The following ADCY4 variants were observed in gnomAD, a reference collection of about 807,000 sequenced individuals.
ADCY4 encodes adenylate cyclase 4.
Under a neutral mutation model 125.5 loss-of-function variants are expected in ADCY4, and 111 were observed. That is an observed-to-expected ratio of 0.88 (90% CI 0.76 to 1.04). The LOEUF is 1.04. ADCY4 is among the 50% of genes least tolerant of loss of function. The pLI is 0.00. For missense variants in ADCY4, 1,256 were observed against 1,382.9 expected (o/e 0.91, Z 1.46); for synonymous variants, 576 against 586.9 (o/e 0.98, Z 0.27).
Position 24,319,452 on chromosome 14 carries a change from A to G in ADCY4, c.2734-16T>C. 1 of 1,611,892 alleles carries G rather than the reference A, an allele frequency of 6.2e-7. No individual in the cohort carries two copies. The highest frequency in any genetic ancestry group is 1.1e-5 in the South Asian group (1 of 91,050). On this transcript the variant is annotated splice_polypyrimidine_tract_variant and intron_variant, in intron 21 of 24. Coordinates refer to ENST00000418030, the MANE Select transcript of ADCY4 (RefSeq NM_001198568.2). This position sits in a 1 kb window ranked among gnomAD's most constrained non-coding sequence, Gnocchi z 4.5. ...TGGAGAGCAGCTGTATATAGAGAAG[A>G]GTCCTGTCCCCAGTCTCTCTTACTC...
In ADCY4 at chr14:24,321,497, TA is replaced by T. The variant is rs759723199; in HGVS notation, c.2586+568del. 9.7e-3 allele frequency among the ~76,000 whole-genome samples: 1,363 copies of T among 140,982 alleles called. 8 individuals are homozygous for T. The highest frequency in any genetic ancestry group is 0.021 in the African/African-American group (833 of 38,812). 92.5% of individuals were successfully genotyped at this position (140,982 alleles called of 152,430 possible). On this transcript the variant is annotated intron_variant, in intron 20 of 24. Transcript: ENST00000418030. ...GAGCGATGAGAGTGAAACTGTGTCT[TA>T]AAAAAAAAAAAAAGTAATTACTTTT...
At chr14:24,325,569 C>A in intron 13 of ADCY4, 95 bp from the exon 14 acceptor site, 1 of 1,139,728 alleles carries the variant, frequency 8.8e-7, no homozygotes, top group East Asian at 2.5e-5. Flanking sequence ...TCCTCAGCCT[C>A]ACCGCCCAGG....
In ADCY4 at chr14:24,329,215, T is replaced by G; in HGVS notation, c.1370A>C (p.Lys457Thr). 4 of 1,613,762 alleles carry G rather than the reference T, an allele frequency of 2.5e-6. No individual in the cohort carries two copies. The highest frequency in any genetic ancestry group is 3.4e-6 in the Non-Finnish European group (4 of 1,179,814). The change falls in exon 10 of 25, where the codon AAG (lysine) becomes ACG (threonine). Residue 457 changes from lysine to threonine, a missense_variant. Lys to Thr is a moderately conservative substitution (Grantham distance 78). Coordinates refer to ENST00000418030, the MANE Select transcript of ADCY4 (RefSeq NM_001198568.2). ...GGACAGCAAGCCTCCTGCAGTGCCC[T>G]TCTCATCCTCCTCCTCTGCCTGGGG... is the stretch of plus-strand genomic sequence containing the variant. ...IDPRAEEEDE[K>T]GTAGGLLSSL...
intron 16 of ADCY4, 146 bp downstream of exon 16, chr14:24,323,916 G>A: frequency 8.3e-7 from 1 of 1,200,770 alleles, no homozygotes; most frequent in Non-Finnish European, 1.1e-6. Flanking sequence ...GCTGGAGACT[G>A]TAATTTTTTT....
chr14:24,327,459 G>A (rs1372294217), intron 10 of ADCY4, among the ~76,000 whole-genome samples: 1 of 152,108 alleles, frequency 6.6e-6, no homozygotes, highest in African/African-American at 2.4e-5. Flanking sequence ...ACCCATGCTG[G>A]AGGTCTCATC....
Position 24,319,555 on chromosome 14 carries a change from C to A in ADCY4, c.2734-119G>T. ...CAGGCTGTGGGAGTGGAGATAGTGT[C>A]AGGAAGGAGAGGGTTGGTGGTGGGC... On this transcript the variant is annotated intron_variant, in intron 21 of 24. Coordinates refer to ENST00000418030, the MANE Select transcript of ADCY4 (RefSeq NM_001198568.2). The surrounding 1 kb of genome is among the most constrained non-coding windows in gnomAD (Gnocchi z 4.5). 1 of 1,268,918 alleles carries A rather than the reference C, an allele frequency of 7.9e-7. No individual in the cohort carries two copies. The allele number at this position is 1,268,918 out of a possible 1,614,324, so 78.6% of individuals were successfully genotyped here.
chr14:24,325,930 A>G, intron 12 of ADCY4, 43 bp from the exon 13 acceptor site: 2 of 1,576,352 alleles, frequency 1.3e-6, no homozygotes, highest in Non-Finnish European at 8.6e-7. Context: ...CAGAGAACAG[A>G]GGGCACAGAA....
intron 8 of ADCY4, 109 bp downstream of exon 8, chr14:24,329,751 T>C: frequency 2.0e-6 from 3 of 1,505,198 alleles, no homozygotes; most frequent in Middle Eastern, 2.4e-4. Context: ...ATGGGACTTA[T>C]CTTAAGGTAC....
chr14:24,332,959 G>C lies in ADCY4; in HGVS notation c.189C>G (p.Thr63=). The C allele has an allele frequency of 6.4e-7, 1 of 1,561,472 alleles. No individual in the cohort carries two copies. Among genetic ancestry groups the C allele is most frequent in the Non-Finnish European group, 8.7e-7 (1 of 1,150,826 alleles). ...AGCCGCCCAGCGCGCACAGCACAGT[G>C]GTCAGGAAGCTCGGGTCTGAGGTCA... ...RELTSDPSFL[T]TVLCALGGFS... The change falls in exon 2 of 25, where the codon ACC becomes ACG. Residue 63 remains threonine, a synonymous_variant. Coordinates refer to ENST00000418030, the MANE Select transcript of ADCY4 (RefSeq NM_001198568.2).
intron 10 of ADCY4, 90 bp downstream of exon 10, chr14:24,328,971 G>A (rs903073687): frequency 2.3e-4 from 341 of 1,458,960 alleles, no homozygotes; most frequent in Non-Finnish European, 3.0e-4. Context: ...GCTCACTGGT[G>A]GTGGGGGCAG....
rs374410502 is a variant in ADCY4 at position 24,318,794 on chromosome 14, G to A, written c.2957-16C>T. 2 of 1,614,014 alleles carry A rather than the reference G, an allele frequency of 1.2e-6. No individual in the cohort carries two copies. The highest frequency in any genetic ancestry group is 1.7e-6 in the Non-Finnish European group (2 of 1,179,932). ...TGGTTCAACCCTAATGAGGGATGTG[G>A]TAATGACAGACTTGGAGAAGGAAGA... On this transcript the variant is annotated splice_polypyrimidine_tract_variant and intron_variant, in intron 23 of 24. Coordinates refer to ENST00000418030, the MANE Select transcript of ADCY4 (RefSeq NM_001198568.2).
intron 20 of ADCY4, among the ~76,000 whole-genome samples, chr14:24,320,714 CAT>C (rs1283579951): frequency 1.3e-5 from 2 of 152,146 alleles, no homozygotes; most frequent in African/African-American, 4.8e-5. Flanking sequence ...AGAGCAGCAG[CAT>C]CCAATAGAAA....
At chr14:24,325,972 G>A (rs1456939654) in intron 12 of ADCY4, 85 bp from the exon 13 acceptor site, 1 of 1,587,068 alleles carries the variant, frequency 6.3e-7, no homozygotes, top group African/African-American at 1.3e-5. Flanking sequence ...AGGGCAAGAG[G>A]GGGTGGTCAG....
intron 6 of ADCY4, 134 bp from the exon 7 acceptor site, chr14:24,330,429 T>G (rs567951908): frequency 1.6e-6 from 2 of 1,228,724 alleles, no homozygotes; most frequent in Admixed American, 4.3e-5. Flanking sequence ...AGATCAGATC[T>G]AGGGACTCCT....
chr14:24,328,947 C>T, intron 10 of ADCY4, 114 bp downstream of exon 10: 1 of 1,353,046 alleles, frequency 7.4e-7, no homozygotes, highest in Non-Finnish European at 1.0e-6. Context: ...TGGGATGTCA[C>T]AAATCATTAA....
chr14:24,323,358 G>C lies in ADCY4; in HGVS notation c.2143C>G (p.Leu715Val), dbSNP rs2041886418. The C allele has an allele frequency of 2.6e-6, 4 of 1,554,512 alleles. No homozygotes were observed. The East Asian group carries it at 7.3e-5, about 28-fold the overall frequency. The part of the protein sequence containing the change: ...LSWELPGSLP[L>V]ISVPYSMHCC... ...GGAACACTCACTGGGACACTGATGA[G>C]AGGCAGAGACCCAGGGAGCTCCCAG... Residue 715 changes from leucine to valine, a missense_variant, in exon 17 of 25, where the codon CTC becomes GTC. Physicochemically the swap from Leu to Val is conservative, Grantham distance 32. Coordinates refer to ENST00000418030, the MANE Select transcript of ADCY4 (RefSeq NM_001198568.2).
chr14:24,334,455 C>T, intron 1 of ADCY4, 39 bp downstream of exon 1: 1 of 1,547,274 alleles, frequency 6.5e-7, no homozygotes, highest in Non-Finnish European at 8.7e-7. Flanking sequence ...GAAAATGCTC[C>T]CCAGGTAGAG....
At position 24,331,901 on chromosome 14, in the gene ADCY4, C is replaced by A; in HGVS notation, c.556G>T (p.Val186Leu). 6.3e-7 allele frequency: 1 copy of A among 1,583,258 alleles called. No individual in the cohort carries two copies. The highest frequency in any genetic ancestry group is 8.6e-7 in the Non-Finnish European group (1 of 1,157,486). Residue 186 changes from valine (V) to leucine (L), a missense_variant, in exon 4 of 25, where the codon GTG becomes TTG. Val to Leu is a conservative substitution (Grantham distance 32, BLOSUM62 1). Transcript: ENST00000418030. ...AGCGCCTTGTGGTACACTCCTGCCA[C>A]GTTCCCGCACAGGAACAGCACTGCG... Reference protein sequence around the residue: ...ANAVLFLCGNVAGVYHKALME... With the variant: ...ANAVLFLCGNLAGVYHKALME...
In ADCY4 at chr14:24,332,603, G is replaced by C; in HGVS notation, c.438C>G (p.Leu146=). 1.3e-6 allele frequency: 2 copies of C among 1,579,650 alleles called. No individual in the cohort carries two copies. Among genetic ancestry groups the C allele is most frequent in the Non-Finnish European group, 1.7e-6 (2 of 1,162,686 alleles). The change falls in exon 3 of 25, where the codon CTC becomes CTG. Residue 146 remains leucine, a synonymous_variant. Coordinates refer to ENST00000418030, the MANE Select transcript of ADCY4 (RefSeq NM_001198568.2). ...CCAGCAGATGCGAGAGTGAGGAGGC[G>C]AGGCCCGCGACGGCGGCGTCCCGCA... The part of the protein sequence containing the change: ...LGMRDAAVAG[L]ASSLSHLLVL...
Sources: gnomAD v4.1 joint callset for allele counts (sites outside exome capture counted in the v4.1 genomes callset) on GRCh38, gnomAD v4.1.1 for gene constraint, Gnocchi (gnomAD v3.1) non-coding constraint, MANE v1.5 for transcripts, NCBI Gene and HGNC (gene_info 2026-07-23, HGNC 2026-07-21) for gene names.